Variants in NEDD4 observed in about 807,000 individuals in gnomAD.
The protein encoded by NEDD4 is NEDD4 E3 ubiquitin protein ligase.
In NEDD4, 99 loss-of-function variants were observed where a neutral mutation model predicts 144.9. The observed-to-expected ratio is 0.68, with a 90% CI of 0.58 to 0.81. The LOEUF (loss-of-function observed/expected upper bound fraction) is 0.81. Among genes scored for constraint, NEDD4 ranks in the 30% least tolerant of loss-of-function variants. NEDD4 has a pLI of 0.00. For synonymous variants in NEDD4, 318 were observed against 350.6 expected (o/e 0.91, Z 1.04); for missense variants, 985 against 1,065.9 (o/e 0.92, Z 1.06).
At chr15:55,903,838 AAAC>A (rs1426503690) in intron 5 of NEDD4, among the ~76,000 whole-genome samples, 1 of 50,608 alleles carries the variant, frequency 2.0e-5, no homozygotes, top group Admixed American at 2.7e-4. Context: ...AAAAAAAAAA[AAAC>A]ACACATATAT....
rs1263722712 is a variant in NEDD4, at chr15:55,828,870, G to GT, written c.*1026dup. 7.2e-5 allele frequency: 11 copies of GT among 152,396 alleles called. No individual in the cohort carries two copies. The highest frequency in any genetic ancestry group is 1.5e-4 in the Non-Finnish European group (10 of 68,004). 9.4% of individuals were successfully genotyped at this position (152,396 alleles called of 1,614,324 possible). A position where few individuals can be genotyped will look rare whatever the true frequency, so the allele number is the denominator to read the frequency against. On this transcript the variant is annotated 3_prime_UTR_variant, in exon 29 of 29. Transcript: ENST00000435532. ...TTGGTTATTTTAAACAAATTATTTG[G>GT]TTTTTTTACTAGAGTGATACTAAAA... is the stretch of plus-strand genomic sequence containing the variant.
intron 5 of NEDD4, among the ~76,000 whole-genome samples, chr15:55,918,028 T>A (rs1458743346): frequency 6.6e-6 from 1 of 152,130 alleles, no homozygotes; most frequent in East Asian, 1.9e-4. Context: ...CCCCTGCTGG[T>A]ACTTTGAAAC....
rs781264160 is a variant in NEDD4 at position 55,993,590 on chromosome 15, C to T, written c.-35G>A. On this transcript the variant is annotated 5_prime_UTR_variant, in exon 1 of 29. Coordinates refer to ENST00000435532, the MANE Select transcript of NEDD4 (RefSeq NM_006154.4). ...CTTCCAGCAAACCGGACGCGCTCGC[C>T]CCCGCCCAGGGCAGGCAACTGTGGA... The T allele has an allele frequency of 4.4e-6, 7 of 1,587,700 alleles. No individual in the cohort carries two copies. Among genetic ancestry groups the T allele is most frequent in the Non-Finnish European group, 6.0e-6 (7 of 1,170,136 alleles).
rs774055676 is a variant in NEDD4, at chr15:55,944,082, G to A, written c.237+7294C>T. On this transcript the variant is annotated intron_variant, in intron 4 of 28. Transcript: ENST00000435532. ...TCCCGGTATGATTGACGCAGAAGAC[G>A]GGTGATTTCTACATTTCCACCTGAG... 4.6e-5 allele frequency among the ~76,000 whole-genome samples: 7 copies of A among 152,162 alleles called. No individual in the cohort carries two copies. The South Asian group carries it at 6.2e-4, about 14-fold the overall frequency.
Position 55,830,009 on chromosome 15 carries a change from C to T in NEDD4, c.2601-10G>A, listed in dbSNP as rs530696318. On this transcript the variant is annotated splice_polypyrimidine_tract_variant and intron_variant, in intron 28 of 28. Transcript: ENST00000435532. ...GTCCAGGCGATTAAAACTGAAAGAA[C>T]AGAGAGGAAGTGGTTATGAAAGACA... The T allele has an allele frequency of 3.1e-6, 5 of 1,600,320 alleles. No individual in the cohort carries two copies. In the African/African-American group the frequency reaches 5.4e-5, roughly 17 times the overall value.
chr15:55,925,714 T>C (rs757792589), intron 4 of NEDD4, among the ~76,000 whole-genome samples: 2 of 152,144 alleles, frequency 1.3e-5, no homozygotes, highest in Non-Finnish European at 2.9e-5. Context: ...GACAAAGATA[T>C]CTAGATACCT....
chr15:55,948,917 C>G (rs1488223491), intron 4 of NEDD4, among the ~76,000 whole-genome samples: 2 of 152,116 alleles, frequency 1.3e-5, no homozygotes, highest in African/African-American at 4.8e-5. Context: ...GTCTAAAACA[C>G]TAAAAGCAAT....
chr15:55,890,250 A>G (rs1289912204), intron 5 of NEDD4, among the ~76,000 whole-genome samples: 1 of 152,204 alleles, frequency 6.6e-6, no homozygotes, highest in Non-Finnish European at 1.5e-5. Context: ...GTACAATTCA[A>G]TGTTTTTTAG....
chr15:55,876,217 T>C (rs1275210191), intron 5 of NEDD4, among the ~76,000 whole-genome samples: 1 of 152,184 alleles, frequency 6.6e-6, no homozygotes, highest in Non-Finnish European at 1.5e-5. Context: ...TAATTTGTCA[T>C]CAGCAGACAA....
At chr15:55,949,601 C>T (rs2037198211) in intron 4 of NEDD4, among the ~76,000 whole-genome samples, 2 of 152,144 alleles carry the variant, frequency 1.3e-5, no homozygotes, top group Admixed American at 1.3e-4. Context: ...CACATATACA[C>T]CATGGAATAC....
intron 4 of NEDD4, among the ~76,000 whole-genome samples, chr15:55,946,921 G>A (rs1379428238): frequency 2.0e-5 from 3 of 152,140 alleles, no homozygotes; most frequent in East Asian, 1.9e-4. Flanking sequence ...GGTACATAAC[G>A]AAATGAAGGC....
chr15:55,977,197 T>C (rs2037718080), intron 1 of NEDD4, among the ~76,000 whole-genome samples: 1 of 152,202 alleles, frequency 6.6e-6, no homozygotes, highest in Non-Finnish European at 1.5e-5. Flanking sequence ...TTTTGGCCAA[T>C]GATGGACAGC....
At chr15:55,851,033 A>G (rs1323653886) in intron 13 of NEDD4, among the ~76,000 whole-genome samples, 1 of 152,204 alleles carries the variant, frequency 6.6e-6, no homozygotes, top group African/African-American at 2.4e-5. Context: ...GTTAGTTAAC[A>G]GTATGCTGTG....
intron 2 of NEDD4, among the ~76,000 whole-genome samples, chr15:55,953,820 A>G (rs537459892): frequency 2.0e-5 from 3 of 152,316 alleles, no homozygotes; most frequent in African/African-American, 7.2e-5. Flanking sequence ...TCCTGGGTTC[A>G]AGCAATTCTC....
chr15:55,960,870 C>T (rs1415911260), intron 2 of NEDD4, among the ~76,000 whole-genome samples: 1 of 152,208 alleles, frequency 6.6e-6, no homozygotes, highest in Non-Finnish European at 1.5e-5. Flanking sequence ...GTTCCCCACC[C>T]ACTAGTTGAC....
At position 55,950,295 on chromosome 15, in the gene NEDD4, A is replaced by G. The variant is rs1198450976; in HGVS notation, c.237+1081T>C. 3.3e-5 allele frequency among the ~76,000 whole-genome samples: 5 copies of G among 152,214 alleles called. No individual in the cohort carries two copies. The East Asian group carries it at 7.7e-4, about 23-fold the overall frequency. ...GAAAATCTTACTCCAAACCAAAAAA[A>G]CAGAAGCAACTTAATTGATGCCTTT... On this transcript the variant is annotated intron_variant, in intron 4 of 28. Transcript: ENST00000435532.
At chr15:55,940,777 CT>C (rs1566961667) in intron 4 of NEDD4, among the ~76,000 whole-genome samples, 1 of 151,996 alleles carries the variant, frequency 6.6e-6, no homozygotes. Flanking sequence ...CCACCCTGGC[CT>C]CTCGAAGTGC....
Position 55,931,524 on chromosome 15 carries a change from A to T in NEDD4, c.238-6825T>A, listed in dbSNP as rs76551155. Among the ~76,000 whole-genome samples, 902 of 152,338 alleles carry T rather than the reference A, an allele frequency of 5.9e-3. 9 individuals carry two copies. Among genetic ancestry groups the T allele is most frequent in the African/African-American group, 0.02 (852 of 41,576 alleles). On this transcript the variant is annotated intron_variant, in intron 4 of 28. Coordinates refer to ENST00000435532, the MANE Select transcript of NEDD4 (RefSeq NM_006154.4). The stretch of plus-strand genomic sequence containing the variant: ...GGAAAGGCAAAAGCAGAAAAAAAAT[A>T]AAAATATCAGTGACAGACTTATTGA...
chr15:55,847,981 T>C (rs1443567658), intron 17 of NEDD4, among the ~76,000 whole-genome samples: 1 of 152,104 alleles, frequency 6.6e-6, no homozygotes, highest in Non-Finnish European at 1.5e-5. Context: ...TTGATTTCTA[T>C]AAAAAAATTT....
Sources: gnomAD v4.1 joint callset for allele counts (sites outside exome capture counted in the v4.1 genomes callset) on GRCh38, gnomAD v4.1.1 for gene constraint, MANE v1.5 for transcripts, NCBI Gene and HGNC (gene_info 2026-07-23, HGNC 2026-07-21) for gene names.